Variants in PKNOX1 observed in about 807,000 individuals in gnomAD.
PKNOX1 encodes the protein PBX/knotted 1 homeobox 1, also known as homeobox protein PKNOX1.
A neutral mutation model predicts 51.9 loss-of-function variants in PKNOX1; 15 were observed. The ratio of observed to expected loss-of-function variants is 0.29; its 90% CI spans 0.19 to 0.45. The LOEUF (loss-of-function observed/expected upper bound fraction) is 0.45, where lower values mean the gene tolerates loss of function less well. Among genes scored for constraint, PKNOX1 ranks in the 20% least tolerant of loss-of-function variants. The pLI, the probability that PKNOX1 is intolerant of heterozygous loss-of-function variation, is 1.00. For missense variants in PKNOX1, 462 were observed against 547.5 expected (o/e 0.84, Z 1.56); for synonymous variants, 219 against 211.1 (o/e 1.04, Z -0.32).
At chr21:43,002,945 G>C (rs1429900013) in intron 1 of PKNOX1, among the ~76,000 whole-genome samples, 1 of 152,108 alleles carries the variant, frequency 6.6e-6, no homozygotes, top group Non-Finnish European at 1.5e-5. Flanking sequence ...CCAAACTCCT[G>C]ACCTTGTGAT....
intron 5 of PKNOX1, among the ~76,000 whole-genome samples, chr21:43,015,722 G>A (rs1389991723): frequency 6.6e-6 from 1 of 152,152 alleles, no homozygotes; most frequent in African/African-American, 2.4e-5. Context: ...GGAGTTTAGA[G>A]TTGGTCTAGT....
At chr21:43,011,678 CAAAACCCTGGTTAGGGCCTTCAACAG>C (rs1484544845) in intron 4 of PKNOX1, among the ~76,000 whole-genome samples, 1 of 152,218 alleles carries the variant, frequency 6.6e-6, no homozygotes, top group Non-Finnish European at 1.5e-5. Context: ...GGTCCCATAT[CAAAACCCTGGTTAGGGCCTTCAACAG>C]AAAAGGTTTT....
chr21:43,010,157 A>AT lies in PKNOX1; in HGVS notation c.288dup (p.Val97CysfsTer14). On this transcript the variant is annotated frameshift_variant, in exon 4 of 11. Coordinates refer to ENST00000291547, the MANE Select transcript of PKNOX1 (RefSeq NM_004571.5). LOFTEE classifies it high-confidence loss of function. Reference sequence around the variant, plus strand: ...GCCAGTTTTGATGTAGACATCGAAAATTTTGTAAGAAAGCAAGAGAAGGAA... The same window carrying AT: ...GCCAGTTTTGATGTAGACATCGAAAATTTTTGTAAGAAAGCAAGAGAAGGAA... 1 of 1,606,758 alleles carries AT rather than the reference A, an allele frequency of 6.2e-7. No homozygotes were observed. Among genetic ancestry groups the AT allele is most frequent in the Non-Finnish European group, 8.5e-7 (1 of 1,175,172 alleles).
chr21:43,006,134 T>C (rs1453400785), intron 2 of PKNOX1, among the ~76,000 whole-genome samples: 1 of 152,122 alleles, frequency 6.6e-6, no homozygotes, highest in Non-Finnish European at 1.5e-5. Flanking sequence ...TACTTATTTA[T>C]TTATTTTGAG....
In PKNOX1 at chr21:43,030,512, G is replaced by A. The variant is rs1980217555; in HGVS notation, c.*411G>A. The stretch of plus-strand genomic sequence containing the variant: ...TGTGTGGCCCATGGATTTGAAAGAA[G>A]CTGCTGCACCCGAAACTGCCAGTGT... On this transcript the variant is annotated 3_prime_UTR_variant, in exon 11 of 11. Transcript: ENST00000291547. 1 of 157,268 alleles carries A rather than the reference G, an allele frequency of 6.4e-6. No homozygotes were observed. 9.7% of individuals were successfully genotyped at this position (157,268 alleles called of 1,614,324 possible). A position where few individuals can be genotyped will look rare whatever the true frequency, so the allele number is the denominator to read the frequency against.
chr21:43,014,114 T>G (rs577360403), intron 5 of PKNOX1, among the ~76,000 whole-genome samples: 1 of 148,046 alleles, frequency 6.8e-6, no homozygotes, highest in Non-Finnish European at 1.5e-5. Context: ...CTCCGCCTCC[T>G]GGGTTCATGC....
intron 1 of PKNOX1, among the ~76,000 whole-genome samples, chr21:42,995,235 T>C (rs139130990): frequency 0.014 from 2,148 of 152,290 alleles, 22 homozygotes; most frequent in Non-Finnish European, 0.023. Context: ...TACTTTTATT[T>C]TTGCCAGTTT....
chr21:43,013,267 C>G, intron 5 of PKNOX1, 29 bp downstream of exon 5: 2 of 1,511,378 alleles, frequency 1.3e-6, no homozygotes, highest in East Asian at 2.3e-5. Context: ...CTCGCTTTCC[C>G]TCTCTGCCAC....
chr21:42,983,907 A>G (rs974609315), intron 1 of PKNOX1, among the ~76,000 whole-genome samples: 1 of 151,866 alleles, frequency 6.6e-6, no homozygotes, highest in Admixed American at 6.6e-5. Flanking sequence ...ATCCTAATGG[A>G]TTTGAGGTGG....
chr21:42,978,814 C>G (rs941986144), intron 1 of PKNOX1, among the ~76,000 whole-genome samples: 2 of 152,096 alleles, frequency 1.3e-5, no homozygotes, highest in East Asian at 3.9e-4. Flanking sequence ...GAGATGAAGT[C>G]TCCCTATGTT....
intron 2 of PKNOX1, 85 bp downstream of exon 2, chr21:43,004,517 A>G (rs975198976): frequency 5.5e-6 from 5 of 906,194 alleles, no homozygotes; most frequent in African/African-American, 4.9e-5. Flanking sequence ...TTGCAATTCA[A>G]TTGCCATGAG....
rs547046843 is a variant in PKNOX1, at chr21:43,026,681, C to T, written c.926+1734C>T. 7.9e-5 allele frequency among the ~76,000 whole-genome samples: 12 copies of T among 152,230 alleles called. No homozygotes were observed. The South Asian group carries it at 1.7e-3, about 21-fold the overall frequency. On this transcript the variant is annotated intron_variant, in intron 9 of 10. Coordinates refer to ENST00000291547, the MANE Select transcript of PKNOX1 (RefSeq NM_004571.5). ...CTAAGGCAGTAGAATGGCTTGAACT[C>T]GGGAGGTGGAGGTTGCAGTGAGCCC...
chr21:42,990,984 G>A lies in PKNOX1; in HGVS notation c.-56-13342G>A, dbSNP rs141442397. Among the ~76,000 whole-genome samples the A allele has an allele frequency of 4.7e-4, 71 of 152,230 alleles. 1 individual carries two copies. In the East Asian group the frequency reaches 0.013, roughly 28 times the overall value. The stretch of plus-strand genomic sequence containing the variant: ...GGTCAGAAAGTCCTTCCTAGGTTTC[G>A]TGACCTGCCTCAGGAGAGAAGGGTT... On this transcript the variant is annotated intron_variant, in intron 1 of 10. Transcript: ENST00000291547.
chr21:42,984,307 A>T (rs2059040988), intron 1 of PKNOX1, among the ~76,000 whole-genome samples: 1 of 152,070 alleles, frequency 6.6e-6, no homozygotes, highest in Non-Finnish European at 1.5e-5. Context: ...CATTTTAGTG[A>T]TTTTTAAAAC....
At chr21:42,976,239 CATTAT>C (rs1405839515) in intron 1 of PKNOX1, among the ~76,000 whole-genome samples, 1 of 152,142 alleles carries the variant, frequency 6.6e-6, no homozygotes, top group Non-Finnish European at 1.5e-5. Flanking sequence ...CAATAGCAAG[CATTAT>C]ATCTATAAAA....
At chr21:42,999,809 T>C (rs1251660502) in intron 1 of PKNOX1, among the ~76,000 whole-genome samples, 1 of 152,240 alleles carries the variant, frequency 6.6e-6, no homozygotes, top group Admixed American at 6.5e-5. Flanking sequence ...ATTGTCAGGC[T>C]GCAAATTTTC....
At chr21:42,976,599 C>T (rs1216581115) in intron 1 of PKNOX1, among the ~76,000 whole-genome samples, 7 of 152,218 alleles carry the variant, frequency 4.6e-5, no homozygotes, top group African/African-American at 1.7e-4. Flanking sequence ...GTTTTGTTGT[C>T]ATTTCCACAA....
intron 1 of PKNOX1, among the ~76,000 whole-genome samples, chr21:43,000,536 C>T (rs1179905833): frequency 6.6e-6 from 1 of 152,186 alleles, no homozygotes; most frequent in African/African-American, 2.4e-5. Context: ...GACTTGCCCC[C>T]ATGATTCAAT....
chr21:42,981,741 GTC>G (rs955578849), intron 1 of PKNOX1, among the ~76,000 whole-genome samples: 4 of 152,240 alleles, frequency 2.6e-5, no homozygotes, highest in African/African-American at 9.6e-5. Context: ...ACTGTTTGCC[GTC>G]TGCGATTGAC....
Sources: allele counts gnomAD v4.1 joint callset (sites outside exome capture counted in the v4.1 genomes callset), GRCh38; gene constraint gnomAD v4.1.1; transcripts MANE v1.5; gene names NCBI Gene and HGNC (gene_info 2026-07-23, HGNC 2026-07-21).